Variants in SEMA6D observed in about 807,000 individuals in gnomAD.
The protein encoded by SEMA6D is semaphorin-6D.
In SEMA6D, 35 loss-of-function variants were observed where a neutral mutation model predicts 106.6. The ratio of observed to expected loss-of-function variants is 0.33; its 90% CI spans 0.25 to 0.44. The LOEUF is 0.44. Among genes scored for constraint, SEMA6D ranks in the 20% least tolerant of loss-of-function variants. SEMA6D has a pLI of 1.00. For missense variants in SEMA6D, 1,185 were observed against 1,345.9 expected (o/e 0.88, Z 1.87); for synonymous variants, 499 against 487.7 (o/e 1.02, Z -0.31).
chr15:47,716,042 A>G (rs1046729654), upstream of SEMA6D, among the ~76,000 whole-genome samples: 6 of 152,192 alleles, frequency 3.9e-5, no homozygotes, highest in African/African-American at 1.4e-4. Flanking sequence ...GTAACTTGCA[A>G]TGATGTCAGA....
chr15:47,767,114 T>C, intron 17 of SEMA6D, 21 bp downstream of exon 17: 1 of 1,501,434 alleles, frequency 6.7e-7, no homozygotes, highest in Non-Finnish European at 9.1e-7. Context: ...TTTAATTTTT[T>C]TGAATTAACA....
At chr15:47,666,021 A>G (rs1472689377) in intron 4 of SEMA6D, among the ~76,000 whole-genome samples, 1 of 152,206 alleles carries the variant, frequency 6.6e-6, no homozygotes, top group Non-Finnish European at 1.5e-5. Context: ...TTCGACTGCA[A>G]AACATTGCTA....
At chr15:47,323,658 T>C (rs1484725722) in intron 1 of SEMA6D, among the ~76,000 whole-genome samples, 1 of 152,150 alleles carries the variant, frequency 6.6e-6, no homozygotes, top group African/African-American at 2.4e-5. Flanking sequence ...TATCCTTGGC[T>C]TGAAGGCGGA....
chr15:47,677,095 A>G (rs1429147455), intron 4 of SEMA6D, among the ~76,000 whole-genome samples: 1 of 152,136 alleles, frequency 6.6e-6, no homozygotes, highest in Non-Finnish European at 1.5e-5. Context: ...GGCAGAGCTC[A>G]GGTGATAATG....
At chr15:47,220,000 T>G (rs2031036286) in intron 1 of SEMA6D, among the ~76,000 whole-genome samples, 1 of 152,164 alleles carries the variant, frequency 6.6e-6, no homozygotes, top group South Asian at 2.1e-4. Flanking sequence ...CACACAGGTT[T>G]GTTCATGGCA....
intron 3 of SEMA6D, among the ~76,000 whole-genome samples, chr15:47,556,839 G>T (rs1036084524): frequency 1.3e-5 from 2 of 152,058 alleles, no homozygotes; most frequent in Non-Finnish European, 2.9e-5. Context: ...GTTTTTGTGT[G>T]CCTAAGTCAA....
chr15:47,545,271 A>G (rs2045485078), intron 3 of SEMA6D, among the ~76,000 whole-genome samples: 1 of 152,186 alleles, frequency 6.6e-6, no homozygotes. Context: ...TTGCAAATTA[A>G]GGTAAATTAA....
At chr15:47,681,057 A>G (rs1446900595) in intron 4 of SEMA6D, among the ~76,000 whole-genome samples, 1 of 152,244 alleles carries the variant, frequency 6.6e-6, no homozygotes, top group African/African-American at 2.4e-5. Context: ...TAGAACTACT[A>G]TATGATCCAA....
chr15:47,684,108 TC>T (rs1380011706), intron 4 of SEMA6D, among the ~76,000 whole-genome samples: 1 of 152,176 alleles, frequency 6.6e-6, no homozygotes, highest in East Asian at 1.9e-4. Context: ...CATTTGCCTC[TC>T]CCTGAAAGAT....
intron 3 of SEMA6D, among the ~76,000 whole-genome samples, chr15:47,494,741 GATATATATATATATATATATAT>G (rs202139404): frequency 0.074 from 2,440 of 32,998 alleles, 156 homozygotes; most frequent in African/African-American, 0.14. Flanking sequence ...GTGGGATGGA[GATATATATATATATATATATAT>G]ATATATATAT....
chr15:47,364,528 G>A (rs761491121), intron 1 of SEMA6D, among the ~76,000 whole-genome samples: 1 of 152,172 alleles, frequency 6.6e-6, no homozygotes, highest in Non-Finnish European at 1.5e-5. Context: ...TTATAGCTGT[G>A]CGCTGCACAT....
chr15:47,270,607 T>C (rs2034514782), intron 1 of SEMA6D, among the ~76,000 whole-genome samples: 1 of 152,206 alleles, frequency 6.6e-6, no homozygotes, highest in South Asian at 2.1e-4. Context: ...AAACTAACCA[T>C]GTAGACTCTG....
At chr15:47,751,340 C>G (rs1170419004) in intron 1 of SEMA6D, among the ~76,000 whole-genome samples, 1 of 152,158 alleles carries the variant, frequency 6.6e-6, no homozygotes, top group Non-Finnish European at 1.5e-5. Context: ...GTATAGCAAT[C>G]AAGTTGCTTC....
intron 4 of SEMA6D, among the ~76,000 whole-genome samples, chr15:47,667,622 A>G (rs1409677639): frequency 6.6e-6 from 1 of 152,228 alleles, no homozygotes; most frequent in African/African-American, 2.4e-5. Flanking sequence ...GTCCAGGACC[A>G]AGGAAGACTT....
chr15:47,604,078 G>A (rs1339679545), intron 4 of SEMA6D: 1 of 152,224 alleles, frequency 6.6e-6, no homozygotes, highest in Non-Finnish European at 1.5e-5. Flanking sequence ...AGGAACCGGA[G>A]GCAGAGGCCT....
intron 2 of SEMA6D, among the ~76,000 whole-genome samples, chr15:47,449,528 C>T (rs1047814424): frequency 2.6e-5 from 4 of 151,996 alleles, no homozygotes; most frequent in Admixed American, 2.0e-4. Context: ...CCTGGATGAC[C>T]CAGTTCATAT....
chr15:47,771,889 G>A lies in SEMA6D; in HGVS notation c.*104G>A. 1.6e-6 allele frequency: 2 copies of A among 1,229,764 alleles called. No homozygotes were observed. The highest frequency in any genetic ancestry group is 2.3e-6 in the Non-Finnish European group (2 of 877,750). The allele number at this position is 1,229,764 out of a possible 1,614,324, so 76.2% of individuals were successfully genotyped here. A position where few individuals can be genotyped will look rare whatever the true frequency, so the allele number is the denominator to read the frequency against. ...CAAGAGACTCGCTTGTATTTTAAGA[G>A]AACCAAGTGGCCAAAGAAACTCTTT... On this transcript the variant is annotated 3_prime_UTR_variant, in exon 19 of 19. Transcript: ENST00000536845.
At chr15:47,281,483 A>G (rs1051940093) in intron 1 of SEMA6D, among the ~76,000 whole-genome samples, 8 of 150,122 alleles carry the variant, frequency 5.3e-5, no homozygotes, top group South Asian at 4.3e-4. Context: ...TCTTTATCCA[A>G]TTTGCCAGTC....
intron 1 of SEMA6D, among the ~76,000 whole-genome samples, chr15:47,400,615 A>C (rs1018157613): frequency 6.6e-6 from 1 of 152,160 alleles, no homozygotes; most frequent in Non-Finnish European, 1.5e-5. Flanking sequence ...AAAGTGAGAG[A>C]TTATTACAGG....
Sources: allele counts gnomAD v4.1 joint callset (sites outside exome capture counted in the v4.1 genomes callset), GRCh38; gene constraint gnomAD v4.1.1; transcripts MANE v1.5; gene names NCBI Gene and HGNC (gene_info 2026-07-23, HGNC 2026-07-21).